Variants in CNTNAP2 observed in about 807,000 individuals in gnomAD.
CNTNAP2 encodes contactin-associated protein-like 2.
In CNTNAP2, 98 loss-of-function variants were observed where a neutral mutation model predicts 155.2. The observed-to-expected ratio is 0.63, with a 90% CI of 0.54 to 0.75. The LOEUF (loss-of-function observed/expected upper bound fraction) is 0.75, where lower values mean the gene tolerates loss of function less well. CNTNAP2 is among the 30% of genes least tolerant of loss of function. The pLI is 0.00. For synonymous variants in CNTNAP2, 651 were observed against 631.2 expected, an observed-to-expected ratio of 1.03 and a Z score of -0.47; for missense variants, 1,727 against 1,688.1, an observed-to-expected ratio of 1.02 and a Z score of -0.40.
intron 1 of CNTNAP2, among the ~76,000 whole-genome samples, chr7:146,435,159 T>A (rs145254158): frequency 1.8e-3 from 272 of 152,286 alleles, no homozygotes; most frequent in African/African-American, 6.4e-3. Context: ...TTGGCCAACA[T>A]AGCTAGTGGG....
chr7:146,271,359 A>G (rs1375104252), intron 1 of CNTNAP2, among the ~76,000 whole-genome samples: 2 of 152,030 alleles, frequency 1.3e-5, no homozygotes, highest in East Asian at 3.8e-4. Context: ...TATTGTTTTG[A>G]TGTATCTAAT....
intron 8 of CNTNAP2, among the ~76,000 whole-genome samples, chr7:147,245,472 C>A (rs949337746): frequency 3.3e-5 from 5 of 151,934 alleles, no homozygotes; most frequent in Admixed American, 3.3e-4. Context: ...ACAGCCACTG[C>A]CAGTCCACTA....
chr7:146,364,866 A>T (rs1203090913), intron 1 of CNTNAP2, among the ~76,000 whole-genome samples: 2 of 152,218 alleles, frequency 1.3e-5, no homozygotes, highest in Non-Finnish European at 1.5e-5. Context: ...AACAAATCTG[A>T]TTAAAAATAG....
intron 1 of CNTNAP2, among the ~76,000 whole-genome samples, chr7:146,252,665 A>G (rs1799773138): frequency 6.6e-6 from 1 of 152,204 alleles, no homozygotes; most frequent in African/African-American, 2.4e-5. Flanking sequence ...TCTTCAAAAT[A>G]TTCGCCCCTT....
chr7:148,218,808 T>C (rs1321769738), intron 19 of CNTNAP2, among the ~76,000 whole-genome samples: 1 of 152,146 alleles, frequency 6.6e-6, no homozygotes, highest in African/African-American at 2.4e-5. Flanking sequence ...GCAAATGGGC[T>C]TGTGACCCTT....
chr7:146,331,209 C>G (rs190387762), intron 1 of CNTNAP2, among the ~76,000 whole-genome samples: 3,563 of 149,306 alleles, frequency 0.024, 89 homozygotes, highest in African/African-American at 0.061. Context: ...GAGGCTGAGG[C>G]AGGAGAATGG....
chr7:147,099,996 T>C (rs1800622145), intron 4 of CNTNAP2, among the ~76,000 whole-genome samples: 1 of 152,248 alleles, frequency 6.6e-6, no homozygotes, highest in Admixed American at 6.5e-5. Context: ...AAATTGTTAT[T>C]ATTTCTGCAT....
chr7:147,085,544 A>T (rs1800257343), intron 4 of CNTNAP2: 1 of 152,354 alleles, frequency 6.6e-6, no homozygotes, highest in Middle Eastern at 3.4e-3. Context: ...CCGTGGAAAA[A>T]TTGTCTCCCA....
At chr7:146,180,488 G>A (rs1346194771) in intron 1 of CNTNAP2, among the ~76,000 whole-genome samples, 5 of 151,654 alleles carry the variant, frequency 3.3e-5, no homozygotes, top group Non-Finnish European at 5.9e-5. Flanking sequence ...TTTAAAAGTC[G>A]ATAAATTTTT....
chr7:147,682,779 A>G (rs1047031476), intron 13 of CNTNAP2, among the ~76,000 whole-genome samples: 1 of 151,928 alleles, frequency 6.6e-6, no homozygotes, highest in Admixed American at 6.6e-5. Flanking sequence ...CTTCTGTTCT[A>G]CATTATACAC....
At chr7:147,357,622 A>G (rs189466876) in intron 9 of CNTNAP2, among the ~76,000 whole-genome samples, 2 of 152,222 alleles carry the variant, frequency 1.3e-5, no homozygotes, top group Non-Finnish European at 1.5e-5. Flanking sequence ...TAAATGGATC[A>G]ACAAACCTAT....
chr7:147,007,452 A>G (rs1229149873), intron 3 of CNTNAP2, among the ~76,000 whole-genome samples: 1 of 152,138 alleles, frequency 6.6e-6, no homozygotes, highest in Non-Finnish European at 1.5e-5. Flanking sequence ...TCATACAAAT[A>G]AATGCAGTAA....
At chr7:148,117,367 G>A (rs904808831) in intron 15 of CNTNAP2, among the ~76,000 whole-genome samples, 1 of 152,230 alleles carries the variant, frequency 6.6e-6, no homozygotes, top group Non-Finnish European at 1.5e-5. Flanking sequence ...ACCTCTGAGA[G>A]TTTGGCGCAG....
At chr7:146,679,693 TTC>T (rs1800468953) in intron 1 of CNTNAP2, among the ~76,000 whole-genome samples, 5 of 152,178 alleles carry the variant, frequency 3.3e-5, no homozygotes, top group African/African-American at 1.2e-4. Context: ...CTCCTTTCCT[TTC>T]TCTGTCTTCA....
At chr7:146,122,152 A>G (rs1159520760) in intron 1 of CNTNAP2, among the ~76,000 whole-genome samples, 1 of 152,170 alleles carries the variant, frequency 6.6e-6, no homozygotes, top group Non-Finnish European at 1.5e-5. Context: ...TTTGGTGACT[A>G]TGGGAAAAGG....
intron 12 of CNTNAP2, among the ~76,000 whole-genome samples, chr7:147,610,650 G>T (rs1157035316): frequency 6.6e-6 from 1 of 152,140 alleles, no homozygotes; most frequent in African/African-American, 2.4e-5. Flanking sequence ...GAGAGAGCTA[G>T]CCCAGGGGAG....
At chr7:146,898,077 A>C (rs1795914015) in intron 3 of CNTNAP2, among the ~76,000 whole-genome samples, 1 of 152,128 alleles carries the variant, frequency 6.6e-6, no homozygotes, top group Admixed American at 6.6e-5. Flanking sequence ...ATATACATGG[A>C]CATCATAGTA....
chr7:148,335,060 G>A (rs1448917895), intron 21 of CNTNAP2, among the ~76,000 whole-genome samples: 1 of 152,180 alleles, frequency 6.6e-6, no homozygotes, highest in African/African-American at 2.4e-5. Context: ...GCTGTATTGT[G>A]TCTGGAGGAA....
intron 10 of CNTNAP2, among the ~76,000 whole-genome samples, chr7:147,452,141 G>C (rs1315594356): frequency 6.6e-6 from 1 of 152,190 alleles, no homozygotes; most frequent in Non-Finnish European, 1.5e-5. Flanking sequence ...TGAGTGTTTT[G>C]AGATAGGCTT....
Sources: allele counts gnomAD v4.1 joint callset (sites outside exome capture counted in the v4.1 genomes callset), GRCh38; gene constraint gnomAD v4.1.1; transcripts MANE v1.5; gene names NCBI Gene and HGNC (gene_info 2026-07-23, HGNC 2026-07-21).